Variants in MIPOL1 observed in about 807,000 individuals in gnomAD.
MIPOL1 encodes the protein mirror-image polydactyly 1.
A neutral mutation model predicts 60.9 loss-of-function variants in MIPOL1; 57 were observed. That is an observed-to-expected ratio of 0.94 (90% CI 0.76 to 1.17). The LOEUF is 1.17. Among genes scored for constraint, MIPOL1 ranks in the 50% most tolerant of loss-of-function variants. The pLI is 0.00. For missense variants in MIPOL1, 551 were observed against 511.6 expected (o/e 1.08, Z -0.74); for synonymous variants, 179 against 168.8 (o/e 1.06, Z -0.47).
intron 6 of MIPOL1, among the ~76,000 whole-genome samples, chr14:37,275,904 T>C (rs1332122499): frequency 6.6e-6 from 1 of 151,076 alleles, no homozygotes; most frequent in African/African-American, 2.4e-5. Flanking sequence ...TAATAATCAG[T>C]TTTTGGTATT....
At chr14:37,522,333 A>G (rs1230265427) in intron 12 of MIPOL1, among the ~76,000 whole-genome samples, 1 of 152,216 alleles carries the variant, frequency 6.6e-6, no homozygotes, top group African/African-American at 2.4e-5. Context: ...GTTATAGAAT[A>G]GTTTACCATA....
At chr14:37,226,714 G>C (rs1377924720) in intron 1 of MIPOL1, among the ~76,000 whole-genome samples, 1 of 152,118 alleles carries the variant, frequency 6.6e-6, no homozygotes, top group Non-Finnish European at 1.5e-5. Context: ...TGAGATGGGA[G>C]GATTGCTTGA....
intron 12 of MIPOL1, chr14:37,505,857 C>T (rs2095270864): frequency 6.6e-6 from 1 of 152,180 alleles, no homozygotes; most frequent in African/African-American, 2.4e-5. Flanking sequence ...TAGAAAACCC[C>T]ATTGTCTCAG....
chr14:37,320,015 G>C (rs971776885), intron 9 of MIPOL1, among the ~76,000 whole-genome samples: 1 of 152,022 alleles, frequency 6.6e-6, no homozygotes, highest in Non-Finnish European at 1.5e-5. Context: ...ATGTTCCCTT[G>C]TGTGAATATG....
At chr14:37,335,620 A>G (rs917791145) in intron 9 of MIPOL1, among the ~76,000 whole-genome samples, 11 of 152,066 alleles carry the variant, frequency 7.2e-5, no homozygotes, top group Non-Finnish European at 1.5e-4. Context: ...GTAATATTCT[A>G]TTATTTGTAT....
intron 7 of MIPOL1, among the ~76,000 whole-genome samples, chr14:37,285,876 G>C (rs1036799173): frequency 6.6e-6 from 1 of 152,056 alleles, no homozygotes; most frequent in Non-Finnish European, 1.5e-5. Context: ...AGAGGCATGA[G>C]CCACCGCGCC....
intron 10 of MIPOL1, among the ~76,000 whole-genome samples, chr14:37,378,372 C>T (rs1343862137): frequency 6.6e-6 from 1 of 151,944 alleles, no homozygotes; most frequent in African/African-American, 2.4e-5. Flanking sequence ...ACACCCATGA[C>T]TCAGATGGGT....
intron 10 of MIPOL1, 48 bp from the exon 11 acceptor site, chr14:37,422,807 T>A (rs1302428641): frequency 1.6e-6 from 2 of 1,279,930 alleles, no homozygotes; most frequent in East Asian, 5.1e-5. Flanking sequence ...CTGTATTTTA[T>A]CATACCAAAA....
At chr14:37,262,872 C>T (rs1461034728) in intron 3 of MIPOL1, among the ~76,000 whole-genome samples, 5 of 152,080 alleles carry the variant, frequency 3.3e-5, no homozygotes, top group Admixed American at 6.6e-5. Flanking sequence ...CCCAGGGGAC[C>T]ATCAAATCCG....
At chr14:37,530,026 T>C (rs2095470338) in intron 12 of MIPOL1, among the ~76,000 whole-genome samples, 1 of 152,148 alleles carries the variant, frequency 6.6e-6, no homozygotes, top group South Asian at 2.1e-4. Flanking sequence ...TTAAATCAGG[T>C]TGGTGTTAGA....
intron 1 of MIPOL1, among the ~76,000 whole-genome samples, chr14:37,235,260 T>C (rs1363610417): frequency 3.9e-5 from 6 of 152,230 alleles, no homozygotes; most frequent in Admixed American, 1.3e-4. Flanking sequence ...TGTAAAGATA[T>C]GAATTCATTG....
chr14:37,349,403 G>C (rs189918073), intron 9 of MIPOL1, among the ~76,000 whole-genome samples: 10 of 152,132 alleles, frequency 6.6e-5, no homozygotes, highest in African/African-American at 2.4e-5. Flanking sequence ...AGTAAAAGCC[G>C]TAGTCTTTAC....
intron 1 of MIPOL1, among the ~76,000 whole-genome samples, chr14:37,231,448 A>G: frequency 6.6e-6 from 1 of 152,192 alleles, no homozygotes; most frequent in East Asian, 1.9e-4. Context: ...ATTTGCCAAA[A>G]TAATGGAAGT....
chr14:37,400,293 C>T (rs2093458437), intron 10 of MIPOL1: 1 of 151,996 alleles, frequency 6.6e-6, no homozygotes, highest in African/African-American at 2.4e-5. Context: ...TTGACTCGCT[C>T]ACTGGATATG....
intron 10 of MIPOL1, among the ~76,000 whole-genome samples, chr14:37,383,357 T>C (rs2153512465): frequency 6.6e-6 from 1 of 152,032 alleles, no homozygotes; most frequent in South Asian, 2.1e-4. Flanking sequence ...TTTTTGTCCT[T>C]CTTTCTTAAA....
intron 6 of MIPOL1, among the ~76,000 whole-genome samples, chr14:37,272,612 C>T (rs1036203380): frequency 6.6e-6 from 1 of 151,414 alleles, no homozygotes; most frequent in African/African-American, 2.4e-5. Context: ...TTGTCAGTAT[C>T]TTAATAGAAA....
At chr14:37,420,507 T>G (rs1277569496) in intron 10 of MIPOL1, among the ~76,000 whole-genome samples, 1 of 152,154 alleles carries the variant, frequency 6.6e-6, no homozygotes, top group African/African-American at 2.4e-5. Context: ...TTTTGACATA[T>G]AGTATGATAG....
intron 9 of MIPOL1, among the ~76,000 whole-genome samples, chr14:37,320,241 T>A (rs1482699090): frequency 1.3e-5 from 2 of 152,154 alleles, no homozygotes; most frequent in African/African-American, 4.8e-5. Flanking sequence ...GCCAAATGTT[T>A]TTCCAAAGTT....
At chr14:37,260,814 G>A (rs1433636900) in intron 3 of MIPOL1, among the ~76,000 whole-genome samples, 1 of 152,054 alleles carries the variant, frequency 6.6e-6, no homozygotes, top group African/African-American at 2.4e-5. Flanking sequence ...CTAATTTCCT[G>A]TGACTCCTAA....
Sources: gnomAD v4.1 joint callset for allele counts (sites outside exome capture counted in the v4.1 genomes callset) on GRCh38, gnomAD v4.1.1 for gene constraint, MANE v1.5 for transcripts, NCBI Gene and HGNC (gene_info 2026-07-23, HGNC 2026-07-21) for gene names.